The following SIMC1 variants were observed in gnomAD, a reference collection of about 807,000 sequenced individuals.
SIMC1 encodes the protein SUMO interacting motifs containing 1.
A neutral mutation model predicts 82.3 loss-of-function variants in SIMC1; 55 were observed. That is an observed-to-expected ratio of 0.67 (90% CI 0.54 to 0.84). The LOEUF (loss-of-function observed/expected upper bound fraction) is 0.84, where lower values mean the gene tolerates loss of function less well. SIMC1 is among the 40% of genes least tolerant of loss of function. The probability of loss-of-function intolerance (pLI) is 0.00; values close to 1 mark genes in which losing one functional copy is unlikely to be tolerated. For missense variants in SIMC1, 915 were observed against 1,107.2 expected, an observed-to-expected ratio of 0.83 and a Z score of 2.46; for synonymous variants, 353 against 426.3, an observed-to-expected ratio of 0.83 and a Z score of 2.12.
Position 176,301,338 on chromosome 5 carries a change from C to A in SIMC1, c.1734+5018C>A, listed in dbSNP as rs181748359. ...TGACATGTAAGATGTGACTTTGCTC[C>A]TCATTCGCCTTTTGCCATGATTGTG... On this transcript the variant is annotated intron_variant, in intron 4 of 9. Coordinates refer to ENST00000429602, the MANE Select transcript of SIMC1 (RefSeq NM_001308195.2). 3.7e-3 allele frequency among the ~76,000 whole-genome samples: 562 copies of A among 152,312 alleles called. 3 individuals are homozygous for A. The highest frequency in any genetic ancestry group is 0.013 in the African/African-American group (534 of 41,568).
chr5:176,344,399 G>A (rs1016792021), intron 9 of SIMC1, among the ~76,000 whole-genome samples: 5 of 151,886 alleles, frequency 3.3e-5, no homozygotes, highest in Non-Finnish European at 5.9e-5. Flanking sequence ...GGCCAGGCAC[G>A]GTGGCTCACA....
At chr5:176,282,288 C>G (rs1251461649) in intron 1 of SIMC1, among the ~76,000 whole-genome samples, 1 of 152,224 alleles carries the variant, frequency 6.6e-6, no homozygotes, top group Non-Finnish European at 1.5e-5. Flanking sequence ...GTCGGAAAAG[C>G]GCAGTATTAG....
At chr5:176,310,177 T>C (rs1414939087) in intron 4 of SIMC1, among the ~76,000 whole-genome samples, 1 of 152,164 alleles carries the variant, frequency 6.6e-6, no homozygotes, top group South Asian at 2.1e-4. Context: ...GGATACAAAC[T>C]GGATATTTTA....
chr5:176,306,387 C>G (rs533822875), intron 4 of SIMC1, among the ~76,000 whole-genome samples: 3 of 121,352 alleles, frequency 2.5e-5, no homozygotes, highest in African/African-American at 7.7e-5. Flanking sequence ...CCCCTCTGCC[C>G]GACCACCACC....
chr5:176,301,765 C>T (rs535988387), intron 4 of SIMC1, among the ~76,000 whole-genome samples: 4 of 146,680 alleles, frequency 2.7e-5, no homozygotes, highest in East Asian at 2.0e-4. Context: ...GGCGATAGAG[C>T]GAGACTCTGT....
chr5:176,336,922 G>T (rs938731882), intron 8 of SIMC1, 46 bp downstream of exon 8: 27 of 1,609,890 alleles, frequency 1.7e-5, no homozygotes, highest in Non-Finnish European at 2.1e-5. Flanking sequence ...ACCTCTCTTT[G>T]CTCTAGGCCC....
intron 1 of SIMC1, among the ~76,000 whole-genome samples, chr5:176,249,065 G>T (rs1217683082): frequency 1.3e-5 from 2 of 152,112 alleles, no homozygotes; most frequent in African/African-American, 4.8e-5. Context: ...AAATTTTTTT[G>T]TTGTTGTTGT....
In SIMC1 at chr5:176,276,330, A is replaced by AT. The variant is rs535447440; in HGVS notation, c.130-13318dup. On this transcript the variant is annotated intron_variant, in intron 1 of 9. Coordinates refer to ENST00000429602, the MANE Select transcript of SIMC1 (RefSeq NM_001308195.2). ...GATCGGTGGTGATCTCCCCTTTATC[A>AT]TTTTTTATTGCGACTGTTTGATTCT... is the stretch of plus-strand genomic sequence containing the variant. Among the ~76,000 whole-genome samples the AT allele has an allele frequency of 2.5e-3, 372 of 151,036 alleles. 7 individuals are homozygous for AT. The highest frequency in any genetic ancestry group is 8.5e-3 in the African/African-American group (351 of 41,092).
chr5:176,308,608 C>A (rs920473001), intron 4 of SIMC1: 3 of 1,583,660 alleles, frequency 1.9e-6, no homozygotes, highest in Non-Finnish European at 1.7e-6. Context: ...CAAAAGAGTT[C>A]AGAGTCCCTT....
chr5:176,247,491 G>A (rs1761490262), intron 1 of SIMC1, among the ~76,000 whole-genome samples: 1 of 151,918 alleles, frequency 6.6e-6, no homozygotes, highest in Non-Finnish European at 1.5e-5. Context: ...TAAGTTCCTT[G>A]TAGATTCTGG....
chr5:176,343,133 T>C (rs895933393), intron 9 of SIMC1, among the ~76,000 whole-genome samples: 1 of 152,264 alleles, frequency 6.6e-6, no homozygotes, highest in Admixed American at 6.5e-5. Flanking sequence ...TCCATCATTT[T>C]ATCTGAAGGT....
chr5:176,302,175 CAGTT>C (rs1452763925), intron 4 of SIMC1, among the ~76,000 whole-genome samples: 28 of 152,174 alleles, frequency 1.8e-4, no homozygotes, highest in South Asian at 1.5e-3. Context: ...TTTCAAATCT[CAGTT>C]GGTTGAATCC....
intron 1 of SIMC1, among the ~76,000 whole-genome samples, chr5:176,274,001 G>A (rs1479137770): frequency 1.4e-3 from 210 of 150,516 alleles, no homozygotes; most frequent in African/African-American, 2.7e-3. Flanking sequence ...ATGATTTATA[G>A]TCCTTTGGGT....
intron 1 of SIMC1, among the ~76,000 whole-genome samples, chr5:176,243,398 G>A (rs1197508482): frequency 2.0e-5 from 3 of 152,170 alleles, no homozygotes; most frequent in African/African-American, 7.2e-5. Flanking sequence ...AGTCAGAAGA[G>A]ATGAGAAGTA....
At position 176,284,286 on chromosome 5, in the gene SIMC1, C is replaced by A. The variant is rs557840947; in HGVS notation, c.130-5368C>A. Among the ~76,000 whole-genome samples, 53 of 152,316 alleles carry A rather than the reference C, an allele frequency of 3.5e-4. 2 individuals are homozygous for A. The highest frequency in any genetic ancestry group is 4.9e-4 in the Non-Finnish European group (33 of 68,028). ...CCACATAGTTGGAAGTAAAGCACTC[C>A]TCAGCAAATGTAAAAACAGAAATTA... is the stretch of plus-strand genomic sequence containing the variant. On this transcript the variant is annotated intron_variant, in intron 1 of 9. Coordinates refer to ENST00000429602, the MANE Select transcript of SIMC1 (RefSeq NM_001308195.2).
intron 7 of SIMC1, among the ~76,000 whole-genome samples, chr5:176,332,916 C>A (rs1407071095): frequency 6.6e-6 from 1 of 152,168 alleles, no homozygotes; most frequent in Non-Finnish European, 1.5e-5. Flanking sequence ...CTTTTTATAG[C>A]CACACCCACT....
In SIMC1 at chr5:176,336,881, A is replaced by T. The variant is rs181039124; in HGVS notation, c.2328+5A>T. On this transcript the variant is annotated splice_donor_5th_base_variant and intron_variant, in intron 8 of 9. Transcript: ENST00000429602. ...ACGTCACTGCTCAAGTGTCAGGTAC[A>T]TTTTTTCCTGCCCAATTTCAGGCCT... The T allele has an allele frequency of 6.6e-4, 1,070 of 1,613,256 alleles. 7 individuals are homozygous for T. The African/African-American group carries it at 0.012, about 19-fold the overall frequency.
chr5:176,331,228 G>C (rs1308464534), intron 7 of SIMC1, among the ~76,000 whole-genome samples: 2 of 151,976 alleles, frequency 1.3e-5, no homozygotes, highest in Non-Finnish European at 2.9e-5. Flanking sequence ...AAATTAGCCA[G>C]GCATGGTGGC....
chr5:176,266,450 A>G (rs1762216078), intron 1 of SIMC1, among the ~76,000 whole-genome samples: 1 of 152,102 alleles, frequency 6.6e-6, no homozygotes, highest in African/African-American at 2.4e-5. Context: ...AGGCCAGGTT[A>G]AAACAACAGC....
Sources: allele counts gnomAD v4.1 joint callset (sites outside exome capture counted in the v4.1 genomes callset), GRCh38; gene constraint gnomAD v4.1.1; transcripts MANE v1.5; gene names NCBI Gene and HGNC (gene_info 2026-07-23, HGNC 2026-07-21).